Variants in LRRCC1 observed in about 807,000 individuals in gnomAD.
LRRCC1 encodes the protein leucine-rich repeat and coiled-coil domain-containing protein 1.
LRRCC1 carries 115 observed loss-of-function variants against 126.0 expected under a neutral mutation model. The observed-to-expected ratio is 0.91, with a 90% confidence interval of 0.78 to 1.07. The LOEUF (loss-of-function observed/expected upper bound fraction) is 1.07. LRRCC1 is among the 50% of genes least tolerant of loss of function. The pLI is 0.00. For missense variants in LRRCC1, 1,172 were observed against 1,175.7 expected, an observed-to-expected ratio of 1.00 and a Z score of 0.05; for synonymous variants, 400 against 393.4, an observed-to-expected ratio of 1.02 and a Z score of -0.20.
intron 7 of LRRCC1, 86 bp downstream of exon 7, chr8:85,123,692 G>A (rs749401542): frequency 9.9e-6 from 10 of 1,010,496 alleles, no homozygotes; most frequent in Non-Finnish European, 1.4e-5. Context: ...GGTGATATTT[G>A]TTACTTTACT....
intron 12 of LRRCC1, among the ~76,000 whole-genome samples, 197 bp from the exon 13 acceptor site, chr8:85,134,650 C>T (rs966865067): frequency 6.6e-6 from 1 of 152,154 alleles, no homozygotes; most frequent in African/African-American, 2.4e-5. Flanking sequence ...TTAGATTTGT[C>T]ACTAATTCCC....
At chr8:85,126,916 A>G (rs1351117214) in intron 9 of LRRCC1, 79 bp downstream of exon 9, 8 of 1,239,636 alleles carry the variant, frequency 6.5e-6, no homozygotes, top group African/African-American at 1.5e-5. Flanking sequence ...CATTAGTTTC[A>G]GTGTGGTTCA....
chr8:85,138,928 C>T (rs528265619), intron 17 of LRRCC1, among the ~76,000 whole-genome samples: 2 of 152,150 alleles, frequency 1.3e-5, no homozygotes, highest in South Asian at 4.1e-4. Context: ...CGCCTGTAAT[C>T]CCAGCTACTC....
In LRRCC1 at chr8:85,115,135, C is replaced by T. The variant is rs1809009625; in HGVS notation, c.580C>T (p.Leu194Phe). The part of the protein sequence containing the change: ...RAVILQTLPQ[L>F]RILDCKNIFG... ...AGTTATTCTCCAGACTTTGCCACAGCTTAGAATCCTAGATTGCAAGAACAT... is the reference window on the plus strand; with the variant it reads ...AGTTATTCTCCAGACTTTGCCACAGTTTAGAATCCTAGATTGCAAGAACAT... Residue 194 changes from leucine to phenylalanine, a missense_variant, in exon 5 of 19, where the codon CTT becomes TTT. Leu to Phe is a conservative substitution (Grantham distance 22). Coordinates refer to ENST00000360375, the MANE Select transcript of LRRCC1 (RefSeq NM_033402.5). The T allele has an allele frequency of 6.2e-7, 1 of 1,611,628 alleles. No individual in the cohort carries two copies. Among genetic ancestry groups the T allele is most frequent in the Admixed American group, 1.7e-5 (1 of 59,606 alleles).
Position 85,132,375 on chromosome 8 carries a change from CTT to C in LRRCC1, c.1968+441_1968+442del, listed in dbSNP as rs551423793. On this transcript the variant is annotated intron_variant, in intron 12 of 18. Coordinates refer to ENST00000360375, the MANE Select transcript of LRRCC1 (RefSeq NM_033402.5). ...TTACAAAAGCACAGTTGAGTACTTT[CTT>C]TTTTTTTTTTTTTTTTTTTTTTTTT... Among the ~76,000 whole-genome samples the C allele has an allele frequency of 4.7e-3, 519 of 109,782 alleles. 2 individuals carry two copies. The highest frequency in any genetic ancestry group is 0.018 in the African/African-American group (488 of 27,634). The allele number at this position is 109,782 out of a possible 152,430, so 72.0% of individuals were successfully genotyped here.
At chr8:85,127,393 T>G (rs1013021636) in intron 9 of LRRCC1, among the ~76,000 whole-genome samples, 5 of 152,208 alleles carry the variant, frequency 3.3e-5, no homozygotes, top group Admixed American at 2.6e-4. Context: ...ACAATAACTT[T>G]TTTTCTTCTG....
intron 5 of LRRCC1, 46 bp downstream of exon 5, chr8:85,115,321 A>T: frequency 1.9e-6 from 3 of 1,567,194 alleles, no homozygotes; most frequent in Non-Finnish European, 2.6e-6. Context: ...ATACCTTCAA[A>T]TTTCAATAAG....
intron 14 of LRRCC1, among the ~76,000 whole-genome samples, chr8:85,136,650 A>T (rs775221856): frequency 7.9e-5 from 12 of 152,222 alleles, no homozygotes; most frequent in Non-Finnish European, 1.8e-4. Flanking sequence ...GATATATGCA[A>T]CATTTATTGT....
At chr8:85,109,488 T>C (rs1435615311) in intron 1 of LRRCC1, 107 bp from the exon 2 acceptor site, 3 of 617,418 alleles carry the variant, frequency 4.9e-6, no homozygotes, top group South Asian at 5.0e-5. Flanking sequence ...GATTTCATTC[T>C]AGAATGAATA....
intron 3 of LRRCC1, 68 bp from the exon 4 acceptor site, chr8:85,112,864 A>G (rs867157574): frequency 8.5e-7 from 1 of 1,170,898 alleles, no homozygotes; most frequent in Admixed American, 2.5e-5. Context: ...CCTATCTAGC[A>G]ATTATTTCTA....
intron 11 of LRRCC1, among the ~76,000 whole-genome samples, chr8:85,131,210 T>C (rs1665003792): frequency 1.3e-5 from 2 of 152,234 alleles, no homozygotes; most frequent in South Asian, 4.1e-4. Context: ...AGGAATTTTG[T>C]ACTTAGTTTC....
chr8:85,135,272 G>C (rs192632952), intron 13 of LRRCC1, among the ~76,000 whole-genome samples: 44 of 152,220 alleles, frequency 2.9e-4, no homozygotes, highest in Middle Eastern at 6.8e-3. Flanking sequence ...CAATTAAATA[G>C]GTGCCAGTAG....
chr8:85,123,008 G>T (rs1421101485), intron 6 of LRRCC1, among the ~76,000 whole-genome samples: 1 of 152,026 alleles, frequency 6.6e-6, no homozygotes, highest in African/African-American at 2.4e-5. Flanking sequence ...CAGAAGTCTG[G>T]TTTTTCCTAC....
At chr8:85,132,592 C>T (rs1369402672) in intron 12 of LRRCC1, among the ~76,000 whole-genome samples, 9 of 152,034 alleles carry the variant, frequency 5.9e-5, no homozygotes, top group Non-Finnish European at 8.8e-5. Flanking sequence ...AGGATTTCAT[C>T]ATGTTGGTCA....
intron 6 of LRRCC1, among the ~76,000 whole-genome samples, chr8:85,120,313 G>C (rs1015742258): frequency 1.3e-5 from 2 of 151,868 alleles, no homozygotes; most frequent in Non-Finnish European, 2.9e-5. Context: ...TGTAGAGGTG[G>C]GGGGGTTGAT....
chr8:85,110,126 C>T lies in LRRCC1; in HGVS notation c.322C>T (p.Leu108=). The T allele has an allele frequency of 2.4e-6, 3 of 1,236,052 alleles. No homozygotes were observed. The allele number at this position is 1,236,052 out of a possible 1,614,324, so 76.6% of individuals were successfully genotyped here. A position where few individuals can be genotyped will look rare whatever the true frequency, so the allele number is the denominator to read the frequency against. ...LITKVEGLEE[L]INLTRLNVSY... ...CTTTTTTTTTTTAGGACTTGAAGAA[C>T]TAATTAATCTGACTAGACTAAATGT... Residue 108 remains leucine, a synonymous_variant, in exon 3 of 19, where the codon CTA becomes TTA. Transcript: ENST00000360375.
intron 10 of LRRCC1, among the ~76,000 whole-genome samples, chr8:85,129,655 G>C (rs1028161719): frequency 1.3e-5 from 2 of 152,170 alleles, no homozygotes; most frequent in Non-Finnish European, 2.9e-5. Context: ...AAGGCTTTCA[G>C]GTGATTGAAG....
chr8:85,136,858 C>T (rs1350284269), intron 14 of LRRCC1, among the ~76,000 whole-genome samples: 1 of 152,066 alleles, frequency 6.6e-6, no homozygotes, highest in Non-Finnish European at 1.5e-5. Flanking sequence ...ACAAGTCTCA[C>T]TCTGTTGCCC....
chr8:85,135,093 G>C, intron 13 of LRRCC1, 61 bp downstream of exon 13: 2 of 1,270,136 alleles, frequency 1.6e-6, no homozygotes, highest in Non-Finnish European at 2.1e-6. Context: ...CAAGTGGGTT[G>C]TGATAAATTT....
Sources: gnomAD v4.1 joint callset for allele counts (sites outside exome capture counted in the v4.1 genomes callset) on GRCh38, gnomAD v4.1.1 for gene constraint, MANE v1.5 for transcripts, NCBI Gene and HGNC (gene_info 2026-07-23, HGNC 2026-07-21) for gene names.